The following TRPM6 variants were observed in gnomAD, a reference collection of about 807,000 sequenced individuals.
The protein encoded by TRPM6 is channel kinase 2.
In TRPM6, 111 loss-of-function variants were observed where a neutral mutation model predicts 247.6. The observed-to-expected ratio is 0.45, with a 90% CI of 0.38 to 0.52. The LOEUF is 0.52. TRPM6 is among the 20% of genes least tolerant of loss of function. The pLI is 0.00. For missense variants in TRPM6, 2,126 were observed against 2,421.5 expected, an observed-to-expected ratio of 0.88 and a Z score of 2.56; for synonymous variants, 892 against 853.8, an observed-to-expected ratio of 1.04 and a Z score of -0.78.
In TRPM6 at chr9:74,820,240, A is replaced by G; in HGVS notation, c.1134+64T>C. The G allele has an allele frequency of 2.6e-6, 4 of 1,558,586 alleles. No individual in the cohort carries two copies. The Admixed American group carries it at 6.7e-5, about 26-fold the overall frequency. ...TGTTTTTTTTTAATTGTGAAAATAA[A>G]TATTACAGTGTTTATAAATTAGCAG... On this transcript the variant is annotated intron_variant, in intron 9 of 38. Transcript: ENST00000360774.
At position 74,801,793 on chromosome 9, in the gene TRPM6, C is replaced by T. The variant is rs549585007; in HGVS notation, c.2009+105G>A. Reference sequence around the variant, plus strand: ...ACAGGAGAGTCCATAAAATGCATGGCGGTAAGTCCATTTGTCCTACAAGTT... The same window carrying T: ...ACAGGAGAGTCCATAAAATGCATGGTGGTAAGTCCATTTGTCCTACAAGTT... On this transcript the variant is annotated intron_variant, in intron 16 of 38. Transcript: ENST00000360774. 191 of 1,393,542 alleles carry T rather than the reference C, an allele frequency of 1.4e-4. 1 individual carries two copies. The South Asian group carries it at 1.5e-3, about 11-fold the overall frequency. 86.3% of individuals were successfully genotyped at this position (1,393,542 alleles called of 1,614,324 possible).
At chr9:74,728,526 T>A (rs1329728630) in intron 37 of TRPM6, among the ~76,000 whole-genome samples, 181 bp from the exon 38 acceptor site, 1 of 152,192 alleles carries the variant, frequency 6.6e-6, no homozygotes, top group Non-Finnish European at 1.5e-5. Flanking sequence ...TCAAATGCAC[T>A]TAAATCTTTG....
intron 1 of TRPM6, among the ~76,000 whole-genome samples, chr9:74,877,349 A>G (rs535915514): frequency 6.6e-6 from 1 of 152,350 alleles, no homozygotes; most frequent in Non-Finnish European, 1.5e-5. Context: ...ATGGACAAAT[A>G]ATATACAATG....
chr9:74,762,726 A>T lies in TRPM6; in HGVS notation c.3945T>A (p.Asn1315Lys). ...NSKREATNVR[N>K]DQERQETQSS... ...TTTGTGTTTCTTGCCTTTCCTGGTCATTTCTTACATTTGTAGCCTCTCTTT... is the reference window on the plus strand; with the variant it reads ...TTTGTGTTTCTTGCCTTTCCTGGTCTTTTCTTACATTTGTAGCCTCTCTTT... Residue 1315 changes from asparagine (N) to lysine (K), a missense_variant, in exon 26 of 39, where the codon AAT becomes AAA. By Grantham distance (94) the Asn-to-Lys change is moderately conservative (BLOSUM62 0). Transcript: ENST00000360774. 2 of 1,614,094 alleles carry T rather than the reference A, an allele frequency of 1.2e-6. No individual in the cohort carries two copies. Among genetic ancestry groups the T allele is most frequent in the Non-Finnish European group, 1.7e-6 (2 of 1,180,026 alleles).
chr9:74,810,951 G>T, intron 12 of TRPM6, 83 bp from the exon 13 acceptor site: 1 of 1,081,690 alleles, frequency 9.2e-7, no homozygotes, highest in Non-Finnish European at 1.4e-6. Flanking sequence ...GAATGCATAA[G>T]TAACTGAGAA....
At chr9:74,752,132 C>T in intron 29 of TRPM6, 145 bp downstream of exon 29, 1 of 601,402 alleles carries the variant, frequency 1.7e-6, no homozygotes. Context: ...AGAAATTCAA[C>T]TGAGCATAGC....
intron 1 of TRPM6, among the ~76,000 whole-genome samples, chr9:74,883,852 T>A (rs994899367): frequency 6.6e-5 from 10 of 152,158 alleles, no homozygotes; most frequent in Non-Finnish European, 5.9e-5. Context: ...AAAATAAAAT[T>A]AAATTAAAAT....
In TRPM6 at chr9:74,724,477, A is replaced by G; in HGVS notation, c.*136T>C. The G allele has an allele frequency of 7.7e-7, 1 of 1,295,804 alleles. No individual in the cohort carries two copies. The highest frequency in any genetic ancestry group is 1.1e-6 in the Non-Finnish European group (1 of 901,918). The allele number at this position is 1,295,804 out of a possible 1,614,324, so 80.3% of individuals were successfully genotyped here. ...GATCATATACCAATGAGGCCTTTGA[A>G]CAGAAGGAGATGTGAGGCTCAGAAG... On this transcript the variant is annotated 3_prime_UTR_variant, in exon 39 of 39. Transcript: ENST00000360774.
intron 20 of TRPM6, among the ~76,000 whole-genome samples, chr9:74,786,513 G>C (rs1827674634): frequency 6.6e-6 from 1 of 152,156 alleles, no homozygotes; most frequent in Non-Finnish European, 1.5e-5. Flanking sequence ...GCCGAGGCAG[G>C]TGGATCACGG....
At chr9:74,831,159 C>A (rs1280680746) in intron 6 of TRPM6, among the ~76,000 whole-genome samples, 1 of 152,024 alleles carries the variant, frequency 6.6e-6, no homozygotes. Flanking sequence ...CATGAAAAAT[C>A]AAAATGTTTC....
chr9:74,791,069 C>A (rs922796033), intron 19 of TRPM6, among the ~76,000 whole-genome samples: 20 of 152,176 alleles, frequency 1.3e-4, no homozygotes, highest in Admixed American at 1.3e-4. Flanking sequence ...AGCTTTGTTC[C>A]TGTTTCTTAA....
chr9:74,797,003 G>C, intron 17 of TRPM6, 110 bp from the exon 18 acceptor site: 1 of 980,740 alleles, frequency 1.0e-6, no homozygotes, highest in Non-Finnish European at 1.6e-6. Context: ...ACCCATCCCA[G>C]TCAATTTTCA....
Position 74,763,091 on chromosome 9 carries a change from C to G in TRPM6, c.3580G>C (p.Val1194Leu), listed in dbSNP as rs746814348. ...AGTAAGGAGTCCTTTATAAAAGACA[C>G]CTTTTCATTCATTTCTTTCAGCTGG... ...YFQLKEMNEK[V>L]SFIKDSLLSL... Residue 1194 changes from valine to leucine, a missense_variant, in exon 26 of 39, where the codon GTG becomes CTG. Physicochemically the swap from Val to Leu is conservative, Grantham distance 32. Coordinates refer to ENST00000360774, the MANE Select transcript of TRPM6 (RefSeq NM_017662.5). 1 of 1,613,768 alleles carries G rather than the reference C, an allele frequency of 6.2e-7. No homozygotes were observed. Among genetic ancestry groups the G allele is most frequent in the Non-Finnish European group, 8.5e-7 (1 of 1,180,034 alleles).
chr9:74,727,663 A>G (rs1295847121), intron 38 of TRPM6, among the ~76,000 whole-genome samples: 4 of 152,186 alleles, frequency 2.6e-5, no homozygotes, highest in African/African-American at 9.6e-5. Context: ...GCCCATTTGG[A>G]GGGCACAGGC....
chr9:74,860,742 G>C (rs1200548736), intron 1 of TRPM6, among the ~76,000 whole-genome samples: 1 of 152,186 alleles, frequency 6.6e-6, no homozygotes, highest in African/African-American at 2.4e-5. Context: ...ATCCGGCTGA[G>C]CGCAGTGGCC....
At chr9:74,774,027 ATGACAGGCGC>A (rs1564007494) in intron 24 of TRPM6, among the ~76,000 whole-genome samples, 1 of 152,198 alleles carries the variant, frequency 6.6e-6, no homozygotes, top group Non-Finnish European at 1.5e-5. Flanking sequence ...AGTAATTCCA[ATGACAGGCGC>A]AGCTTGCAGT....
chr9:74,761,728 T>C lies in TRPM6; in HGVS notation c.4753A>G (p.Lys1585Glu), dbSNP rs1188490162. ...TGGAGTCCTTGAGTATTCTTCTTTT[T>C]CTTTGACAGTCTCCTGTCTTTGGTT... Reference protein sequence around the residue: ...MLTKDRRLSKKKKNTQGLQVP... With the variant: ...MLTKDRRLSKEKKNTQGLQVP... The change falls in exon 27 of 39, where the codon AAA becomes GAA. Residue 1585 changes from lysine (K) to glutamate (E), a missense_variant. Physicochemically the swap from Lys to Glu is moderately conservative, Grantham distance 56. This residue lies in a region of TRPM6 where 717 missense variants were observed against 715.9 expected (regional missense o/e 1.00). Coordinates refer to ENST00000360774, the MANE Select transcript of TRPM6 (RefSeq NM_017662.5). The C allele has an allele frequency of 6.2e-7, 1 of 1,613,552 alleles. No homozygotes were observed. The highest frequency in any genetic ancestry group is 1.3e-5 in the African/African-American group (1 of 74,922).
rs1462489194 is a variant in TRPM6, at chr9:74,771,250, C to G, written c.3536+453G>C. On this transcript the variant is annotated intron_variant, in intron 25 of 38. Coordinates refer to ENST00000360774, the MANE Select transcript of TRPM6 (RefSeq NM_017662.5). ...GACCATCTAAACAGTCCACTCAACC[C>G]CCAGCTCCGCTAGATTTCACGCCAC... is the stretch of plus-strand genomic sequence containing the variant. Among the ~76,000 whole-genome samples, 4 of 152,224 alleles carry G rather than the reference C, an allele frequency of 2.6e-5. No individual in the cohort carries two copies. The East Asian group carries it at 7.7e-4, about 29-fold the overall frequency.
In TRPM6 at chr9:74,858,205, G is replaced by A. The variant is rs565996134; in HGVS notation, c.113+464C>T. ...AGATTGAGACCATCCTGGCTAACAC[G>A]GTGAAACCCTGTCTCTACTAAAAAT... On this transcript the variant is annotated intron_variant, in intron 2 of 38. Transcript: ENST00000360774. 3.9e-5 allele frequency among the ~76,000 whole-genome samples: 6 copies of A among 152,268 alleles called. No individual in the cohort carries two copies. In the East Asian group the frequency reaches 5.8e-4, roughly 15 times the overall value.
Sources: gnomAD v4.1 joint callset for allele counts (sites outside exome capture counted in the v4.1 genomes callset) on GRCh38, gnomAD v4.1.1 for gene constraint, gnomAD v4.1.1 regional missense constraint, MANE v1.5 for transcripts, NCBI Gene and HGNC (gene_info 2026-07-23, HGNC 2026-07-21) for gene names.